The following ARHGAP6 variants were observed in gnomAD, a reference collection of about 807,000 sequenced individuals.
ARHGAP6 encodes the protein rho GTPase-activating protein 6.
Under a neutral mutation model 55.7 loss-of-function variants are expected in ARHGAP6, and 16 were observed. The ratio of observed to expected loss-of-function variants is 0.29; its 90% CI spans 0.19 to 0.44. ARHGAP6 has a LOEUF of 0.44. ARHGAP6 is among the 20% of genes least tolerant of loss of function. The pLI is 1.00. For missense variants in ARHGAP6, 698 were observed against 808.9 expected, an observed-to-expected ratio of 0.86 and a Z score of 1.66; for synonymous variants, 382 against 360.9, an observed-to-expected ratio of 1.06 and a Z score of -0.66.
chrX:11,326,436 T>A (rs2048500307), intron 1 of ARHGAP6, among the ~76,000 whole-genome samples: 1 of 111,870 alleles, frequency 8.9e-6, no homozygotes, highest in Non-Finnish European at 1.9e-5. Context: ...CTGGGATTTT[T>A]TTTTTTTCCT....
intron 1 of ARHGAP6, among the ~76,000 whole-genome samples, chrX:11,263,872 G>T (rs1246615128): frequency 2.7e-5 from 3 of 111,750 alleles, no homozygotes; most frequent in African/African-American, 9.8e-5. Context: ...TGATGACAGG[G>T]ATTTTGCTGA....
chrX:11,396,457 G>A (rs12008722), intron 1 of ARHGAP6, among the ~76,000 whole-genome samples: 6,181 of 111,381 alleles, frequency 0.055, 194 homozygotes, highest in African/African-American at 0.12. Flanking sequence ...CCTCCAGAGA[G>A]GGCAGGGGTT....
At chrX:11,221,771 C>T (rs1339267832) in intron 2 of ARHGAP6, among the ~76,000 whole-genome samples, 5 of 111,051 alleles carry the variant, frequency 4.5e-5, no homozygotes, top group East Asian at 5.6e-4. Flanking sequence ...AGATAAATTG[C>T]GTGTCACAGT....
chrX:11,184,647 T>C (rs901677162), intron 5 of ARHGAP6, among the ~76,000 whole-genome samples: 11 of 112,721 alleles, frequency 9.8e-5, no homozygotes, highest in Admixed American at 9.4e-4. Flanking sequence ...ATTCATTCAG[T>C]TCACTCAGAG....
At position 11,427,504 on chromosome X, in the gene ARHGAP6, C is replaced by T. The variant is rs980613307; in HGVS notation, c.589-172797G>A. On this transcript the variant is annotated intron_variant, in intron 1 of 12. Coordinates refer to ENST00000337414, the MANE Select transcript of ARHGAP6 (RefSeq NM_013427.3). ...CCTCGCAGTCCCCACCCGGAGCGGC[C>T]CAGTGGCGCCCCCTGTGTCCTCTGC... is the stretch of plus-strand genomic sequence containing the variant. 3.2e-6 allele frequency: 3 copies of T among 935,347 alleles called. No individual in the cohort carries two copies. The African/African-American group carries it at 6.3e-5, about 20-fold the overall frequency. 77.1% of individuals were successfully genotyped at this position (935,347 alleles called of 1,213,427 possible). A position where few individuals can be genotyped will look rare whatever the true frequency, so the allele number is the denominator to read the frequency against.
intron 1 of ARHGAP6, among the ~76,000 whole-genome samples, chrX:11,523,875 A>T (rs764292199): frequency 4.7e-4 from 53 of 111,684 alleles, no homozygotes; most frequent in African/African-American, 1.7e-3. Context: ...TATAATGGGT[A>T]GAACTCAGGT....
chrX:11,628,855 T>C (rs1215537923), intron 1 of ARHGAP6, among the ~76,000 whole-genome samples: 1 of 112,767 alleles, frequency 8.9e-6, no homozygotes. Flanking sequence ...TCCTGTCTTG[T>C]TATTAGCAGA....
intron 3 of ARHGAP6, among the ~76,000 whole-genome samples, chrX:11,191,436 G>A (rs865927422): frequency 8.9e-6 from 1 of 111,774 alleles, no homozygotes; most frequent in East Asian, 2.8e-4. Flanking sequence ...TTACAAAGAC[G>A]GCTGGTGGGC....
At chrX:11,470,200 A>G (rs1410960070) in intron 1 of ARHGAP6, among the ~76,000 whole-genome samples, 1 of 111,947 alleles carries the variant, frequency 8.9e-6, no homozygotes, top group Admixed American at 9.5e-5. Context: ...CCAGCAATGT[A>G]TTTCCCAGAT....
At chrX:11,524,668 A>G (rs1235476824) in intron 1 of ARHGAP6, among the ~76,000 whole-genome samples, 1 of 111,438 alleles carries the variant, frequency 9.0e-6, no homozygotes, top group Non-Finnish European at 1.9e-5. Flanking sequence ...CCTTCTTGGC[A>G]CCAGGGAGCG....
chrX:11,395,110 G>A (rs958291650), intron 1 of ARHGAP6, among the ~76,000 whole-genome samples: 1 of 111,800 alleles, frequency 8.9e-6, no homozygotes, highest in African/African-American at 3.3e-5. Context: ...TGTAACAGAA[G>A]TCCTCTAACT....
At chrX:11,217,333 A>G (rs925694525) in intron 2 of ARHGAP6, among the ~76,000 whole-genome samples, 8 of 112,111 alleles carry the variant, frequency 7.1e-5, no homozygotes, top group African/African-American at 2.6e-4. Flanking sequence ...TTCCACCAAC[A>G]GTGTAAAAGC....
chrX:11,191,952 TC>T (rs1483647064), intron 3 of ARHGAP6, among the ~76,000 whole-genome samples: 6 of 111,641 alleles, frequency 5.4e-5, no homozygotes, highest in East Asian at 2.8e-4. Flanking sequence ...ATGTGGAAGG[TC>T]CTCAGAGCTC....
intron 1 of ARHGAP6, among the ~76,000 whole-genome samples, chrX:11,286,856 T>G (rs2047927691): frequency 8.9e-6 from 1 of 111,946 alleles, no homozygotes; most frequent in South Asian, 3.8e-4. Context: ...ATGTACCAAA[T>G]AAGCAAATCC....
intron 1 of ARHGAP6, among the ~76,000 whole-genome samples, chrX:11,301,361 G>T (rs1603044560): frequency 8.9e-6 from 1 of 112,038 alleles, no homozygotes; most frequent in African/African-American, 3.2e-5. Flanking sequence ...AAATTGTACT[G>T]TATAGTCTTC....
chrX:11,597,270 G>T (rs901840505), intron 1 of ARHGAP6, among the ~76,000 whole-genome samples: 10 of 111,719 alleles, frequency 9.0e-5, no homozygotes, highest in African/African-American at 2.6e-4. Flanking sequence ...AGACAAAAAT[G>T]GTCTGCCAAT....
chrX:11,608,043 A>G (rs2052056358), intron 1 of ARHGAP6, among the ~76,000 whole-genome samples: 1 of 112,233 alleles, frequency 8.9e-6, no homozygotes, highest in African/African-American at 3.2e-5. Context: ...TCCTTACTGG[A>G]CAAAAATAGA....
chrX:11,488,993 A>G (rs1028602779), intron 1 of ARHGAP6, among the ~76,000 whole-genome samples: 5 of 112,201 alleles, frequency 4.5e-5, no homozygotes, highest in African/African-American at 9.7e-5. Context: ...CAATGATTTT[A>G]TAATAATCTA....
chrX:11,416,572 T>C (rs2049750374), intron 1 of ARHGAP6, among the ~76,000 whole-genome samples: 1 of 111,144 alleles, frequency 9.0e-6, no homozygotes, highest in Non-Finnish European at 1.9e-5. Flanking sequence ...CTATTAAGGA[T>C]TTTTTGAACC....
Sources: allele counts gnomAD v4.1 joint callset (sites outside exome capture counted in the v4.1 genomes callset), GRCh38; gene constraint gnomAD v4.1.1; transcripts MANE v1.5; gene names NCBI Gene and HGNC (gene_info 2026-07-23, HGNC 2026-07-21).